The following SLC9A9 variants were observed in gnomAD, a reference collection of about 807,000 sequenced individuals.
SLC9A9 encodes solute carrier family 9 member A9.
A neutral mutation model predicts 77.8 loss-of-function variants in SLC9A9; 62 were observed. The ratio of observed to expected loss-of-function variants is 0.80; its 90% confidence interval spans 0.65 to 0.98. SLC9A9 has a LOEUF of 0.98. Ranked by LOEUF, SLC9A9 falls within the 50% of genes least tolerant of loss-of-function variation. SLC9A9 has a pLI of 0.00. For synonymous variants in SLC9A9, 320 were observed against 283.5 expected, an observed-to-expected ratio of 1.13 and a Z score of -1.29; for missense variants, 775 against 774.9, an observed-to-expected ratio of 1.00 and a Z score of 0.00.
intron 13 of SLC9A9, among the ~76,000 whole-genome samples, chr3:143,366,741 G>A (rs1222739590): frequency 1.3e-5 from 2 of 152,172 alleles, no homozygotes; most frequent in African/African-American, 4.8e-5. Context: ...TTTTACAGAT[G>A]AGGAAACTGA....
chr3:143,554,034 G>C (rs1193285530), intron 8 of SLC9A9, among the ~76,000 whole-genome samples: 1 of 152,154 alleles, frequency 6.6e-6, no homozygotes, highest in Admixed American at 6.5e-5. Context: ...TCTGTCTAGT[G>C]TGTAGTCTAT....
rs188039958 is a variant in SLC9A9, at chr3:143,345,740, C to T, written c.1604+17744G>A. Among the ~76,000 whole-genome samples the T allele has an allele frequency of 9.2e-5, 14 of 152,174 alleles. No individual in the cohort carries two copies. The East Asian group carries it at 2.7e-3, about 29-fold the overall frequency. The stretch of plus-strand genomic sequence containing the variant: ...GGCTCATCTATGCAGATATAGTGTG[C>T]CCAAAAGCAACATGTTGCCTTCATC... On this transcript the variant is annotated intron_variant, in intron 14 of 15. Coordinates refer to ENST00000316549, the MANE Select transcript of SLC9A9 (RefSeq NM_173653.4).
chr3:143,755,972 C>T (rs1419246649), intron 4 of SLC9A9, among the ~76,000 whole-genome samples: 1 of 152,108 alleles, frequency 6.6e-6, no homozygotes, highest in African/African-American at 2.4e-5. Flanking sequence ...AGAAGATAAA[C>T]ACTACATAAT....
intron 4 of SLC9A9, among the ~76,000 whole-genome samples, chr3:143,695,786 A>G (rs1933619986): frequency 6.6e-6 from 1 of 152,044 alleles, no homozygotes; most frequent in African/African-American, 2.4e-5. Flanking sequence ...GAACTAATTT[A>G]CACTCCCATT....
chr3:143,646,209 C>T (rs933000845), intron 6 of SLC9A9, among the ~76,000 whole-genome samples: 1 of 150,864 alleles, frequency 6.6e-6, no homozygotes, highest in Non-Finnish European at 1.5e-5. Flanking sequence ...ACTTGTGATT[C>T]CACATAACAC....
At chr3:143,606,436 C>CTCTCTCTATATATATATATATATA (rs1419410834) in intron 6 of SLC9A9, among the ~76,000 whole-genome samples, 13 of 54,208 alleles carry the variant, frequency 2.4e-4, no homozygotes, top group South Asian at 1.9e-3. Context: ...CTCTCTCTCT[C>CTCTCTCTATATATATATATATATA]TATATATATA....
intron 12 of SLC9A9, among the ~76,000 whole-genome samples, chr3:143,384,711 C>T (rs1380044765): frequency 6.6e-6 from 1 of 152,132 alleles, no homozygotes; most frequent in East Asian, 1.9e-4. Flanking sequence ...GACTGTACCT[C>T]CTCCCACATC....
chr3:143,641,785 T>C (rs2038628196), intron 6 of SLC9A9, among the ~76,000 whole-genome samples: 1 of 152,186 alleles, frequency 6.6e-6, no homozygotes, highest in African/African-American at 2.4e-5. Context: ...ACAGGTCTTT[T>C]GCTGTGTCTC....
At chr3:143,681,901 C>A (rs924422803) in intron 5 of SLC9A9, among the ~76,000 whole-genome samples, 17 of 152,154 alleles carry the variant, frequency 1.1e-4, no homozygotes, top group Non-Finnish European at 2.4e-4. Context: ...ACCCAGTAAC[C>A]AAAGAATCAA....
chr3:143,266,658 G>A lies in SLC9A9; in HGVS notation c.*44C>T. 8 of 1,600,080 alleles carry A rather than the reference G, an allele frequency of 5.0e-6. No individual in the cohort carries two copies. The highest frequency in any genetic ancestry group is 6.8e-6 in the Non-Finnish European group (8 of 1,167,902). ...ATCAGCTTGGCTTGTATTCCTCAGTGAGTCTTGCATTACTTGTGATTACAT... is the reference window on the plus strand; with the variant it reads ...ATCAGCTTGGCTTGTATTCCTCAGTAAGTCTTGCATTACTTGTGATTACAT... On this transcript the variant is annotated 3_prime_UTR_variant, in exon 16 of 16. Transcript: ENST00000316549.
At chr3:143,551,305 C>A (rs1185193226) in intron 9 of SLC9A9, among the ~76,000 whole-genome samples, 1 of 152,182 alleles carries the variant, frequency 6.6e-6, no homozygotes. Context: ...CAATACATTC[C>A]CGTTATGTAA....
intron 12 of SLC9A9, among the ~76,000 whole-genome samples, chr3:143,439,445 G>A (rs889322197): frequency 1.3e-5 from 2 of 151,182 alleles, no homozygotes; most frequent in African/African-American, 2.4e-5. Flanking sequence ...GTTCTCAGAC[G>A]GATGAGGAAA....
chr3:143,676,719 G>C (rs1932902840), intron 5 of SLC9A9, among the ~76,000 whole-genome samples: 1 of 152,048 alleles, frequency 6.6e-6, no homozygotes, highest in Non-Finnish European at 1.5e-5. Context: ...CCTGGGGACA[G>C]AGTGAGACTC....
chr3:143,421,515 T>G (rs2034295589), intron 12 of SLC9A9, among the ~76,000 whole-genome samples: 1 of 152,140 alleles, frequency 6.6e-6, no homozygotes, highest in African/African-American at 2.4e-5. Context: ...CTCTATTTAA[T>G]AAATGATGCT....
chr3:143,800,910 G>T (rs1289220944), intron 2 of SLC9A9, among the ~76,000 whole-genome samples: 1 of 152,100 alleles, frequency 6.6e-6, no homozygotes, highest in Non-Finnish European at 1.5e-5. Context: ...AAACACACAT[G>T]CTCTCCCTGC....
intron 14 of SLC9A9, among the ~76,000 whole-genome samples, chr3:143,320,415 G>T (rs2031376822): frequency 6.6e-6 from 1 of 152,200 alleles, no homozygotes; most frequent in Admixed American, 6.5e-5. Context: ...CCTGAGGCTG[G>T]GTGACTTATA....
intron 14 of SLC9A9, among the ~76,000 whole-genome samples, chr3:143,362,995 C>T (rs2032791436): frequency 6.6e-6 from 1 of 152,154 alleles, no homozygotes; most frequent in Non-Finnish European, 1.5e-5. Flanking sequence ...ATCTCCTTGG[C>T]CCATTTATTT....
chr3:143,398,422 C>T (rs980730515), intron 12 of SLC9A9, among the ~76,000 whole-genome samples: 6 of 151,928 alleles, frequency 3.9e-5, no homozygotes, highest in Non-Finnish European at 5.9e-5. Context: ...AGGCAGGCAG[C>T]GGGTGAAAAG....
intron 12 of SLC9A9, among the ~76,000 whole-genome samples, chr3:143,396,023 T>C (rs1206811333): frequency 6.6e-6 from 1 of 152,208 alleles, no homozygotes; most frequent in Non-Finnish European, 1.5e-5. Context: ...AGTTCAACCG[T>C]TGTGGAAGTC....
Sources: gnomAD v4.1 joint callset for allele counts (sites outside exome capture counted in the v4.1 genomes callset) on GRCh38, gnomAD v4.1.1 for gene constraint, MANE v1.5 for transcripts, NCBI Gene and HGNC (gene_info 2026-07-23, HGNC 2026-07-21) for gene names.